CLMN: variants seen among roughly 807,000 people sequenced by gnomAD.
The protein encoded by CLMN is calmin.
In CLMN, 57 loss-of-function variants were observed where a neutral mutation model predicts 92.7. The ratio of observed to expected loss-of-function variants is 0.61; its 90% CI spans 0.50 to 0.77. CLMN has a LOEUF of 0.77. Ranked by LOEUF, CLMN falls within the 30% of genes least tolerant of loss-of-function variation. CLMN has a pLI of 0.00. For synonymous variants in CLMN, 466 were observed against 470.6 expected (o/e 0.99, Z 0.13); for missense variants, 1,158 against 1,237.5 (o/e 0.94, Z 0.96).
At position 95,191,419 on chromosome 14, in the gene CLMN, A is replaced by AC; in HGVS notation, c.*144_*145insG. On this transcript the variant is annotated 3_prime_UTR_variant, in exon 13 of 13. Transcript: ENST00000298912. This position sits in a 1 kb window ranked among gnomAD's most constrained non-coding sequence, Gnocchi z 5.3. ...AAAAGGAAACCTGAAAAAAAAAAAAAAACCACAATAGCGAGAAAGGGGGTC... is the reference window on the plus strand; with the variant it reads ...AAAAGGAAACCTGAAAAAAAAAAAAACAACCACAATAGCGAGAAAGGGGGTC... 1 of 511,270 alleles carries AC rather than the reference A, an allele frequency of 2.0e-6. No individual in the cohort carries two copies. The highest frequency in any genetic ancestry group is 2.0e-5 in the African/African-American group (1 of 49,428). 31.7% of individuals were successfully genotyped at this position (511,270 alleles called of 1,614,324 possible). A position where few individuals can be genotyped will look rare whatever the true frequency, so the allele number is the denominator to read the frequency against.
chr14:95,303,947 C>T (rs1376748796), intron 1 of CLMN, among the ~76,000 whole-genome samples: 1 of 152,122 alleles, frequency 6.6e-6, no homozygotes, highest in African/African-American at 2.4e-5. Flanking sequence ...ATAATAAACC[C>T]TCAACGATGG....
chr14:95,194,485 G>A lies in CLMN; in HGVS notation c.2769+51C>T. On this transcript the variant is annotated intron_variant, in intron 11 of 12. Coordinates refer to ENST00000298912, the MANE Select transcript of CLMN (RefSeq NM_024734.4). The surrounding 1 kb of genome is among the most constrained non-coding windows in gnomAD (Gnocchi z 4.0). ...GGCTGGGGAGGAGGAAGGATGGAAA[G>A]GAATTGATTAGCAGGGGCCGTGCGG... The A allele has an allele frequency of 5.0e-6, 8 of 1,613,578 alleles. No individual in the cohort carries two copies. Among genetic ancestry groups the A allele is most frequent in the Non-Finnish European group, 6.8e-6 (8 of 1,179,580 alleles).
At chr14:95,274,147 A>G (rs1899828143) in intron 1 of CLMN, among the ~76,000 whole-genome samples, 1 of 152,172 alleles carries the variant, frequency 6.6e-6, no homozygotes, top group South Asian at 2.1e-4. Context: ...CTAATTTGCC[A>G]TCCAGACCTT....
chr14:95,213,716 C>T (rs766066619), intron 5 of CLMN, among the ~76,000 whole-genome samples: 33 of 152,132 alleles, frequency 2.2e-4, no homozygotes, highest in Non-Finnish European at 3.5e-4. Context: ...CTCTGCCGCC[C>T]CTTTCCTCTC....
In CLMN at chr14:95,203,588, A is replaced by G; in HGVS notation, c.1761T>C (p.His587=). 6.2e-7 allele frequency: 1 copy of G among 1,614,152 alleles called. No homozygotes were observed. The change falls in exon 9 of 13, where the codon CAT becomes CAC. Residue 587 remains histidine (H), a synonymous_variant. Transcript: ENST00000298912. ...SQAFNKVPSP[H]ETKPDEDAEA... ...CAGCATCCTCGTCAGGTTTTGTCTC[A>G]TGAGGTGAAGGAACTTTGTTGAAAG...
chr14:95,283,701 G>C (rs1181864327), intron 1 of CLMN, among the ~76,000 whole-genome samples: 1 of 152,184 alleles, frequency 6.6e-6, no homozygotes, highest in Non-Finnish European at 1.5e-5. Context: ...GTGGAACTTT[G>C]AACTTGAGAA....
intron 7 of CLMN, among the ~76,000 whole-genome samples, chr14:95,209,857 A>T (rs984186552): frequency 2.0e-5 from 3 of 152,220 alleles, no homozygotes; most frequent in Non-Finnish European, 4.4e-5. Flanking sequence ...AGGCAACTTC[A>T]CAGAGATAGC....
intron 2 of CLMN, among the ~76,000 whole-genome samples, chr14:95,225,749 G>A (rs1027086534): frequency 6.6e-6 from 1 of 152,194 alleles, no homozygotes; most frequent in East Asian, 1.9e-4. Flanking sequence ...GAGGGGAAAC[G>A]CAATTCCCTA....
chr14:95,238,814 C>G (rs1251357009), intron 1 of CLMN, among the ~76,000 whole-genome samples: 2 of 152,190 alleles, frequency 1.3e-5, no homozygotes, highest in African/African-American at 4.8e-5. Flanking sequence ...AATTCTCTCA[C>G]AGGTCCCAGA....
chr14:95,267,996 T>C (rs1899543822), intron 1 of CLMN, among the ~76,000 whole-genome samples: 1 of 152,078 alleles, frequency 6.6e-6, no homozygotes, highest in Non-Finnish European at 1.5e-5. Context: ...AATGAATTTA[T>C]GGTTATCAGA....
chr14:95,213,475 G>T (rs1595575424), intron 5 of CLMN, 66 bp from the exon 6 acceptor site: 1 of 1,490,100 alleles, frequency 6.7e-7, no homozygotes, highest in East Asian at 2.3e-5. Flanking sequence ...CCCTTGTCTG[G>T]CGGGTGGCCA....
At chr14:95,309,912 C>A (rs1017081169) in intron 1 of CLMN, among the ~76,000 whole-genome samples, 1 of 152,248 alleles carries the variant, frequency 6.6e-6, no homozygotes, top group African/African-American at 2.4e-5. Context: ...CAAATAAATT[C>A]TCTTCTAGTT....
intron 8 of CLMN, among the ~76,000 whole-genome samples, chr14:95,207,788 A>AAC (rs1026645110): frequency 1.3e-5 from 2 of 152,196 alleles, no homozygotes; most frequent in South Asian, 4.1e-4. Context: ...ACAGGCAGGA[A>AAC]ACACACACAC....
At chr14:95,233,864 G>T (rs1897966410) in intron 1 of CLMN, among the ~76,000 whole-genome samples, 1 of 152,346 alleles carries the variant, frequency 6.6e-6, no homozygotes, top group African/African-American at 2.4e-5. Flanking sequence ...CCAGCAGGCT[G>T]GCCTGAGCAC....
At chr14:95,221,817 C>G (rs986250581) in intron 3 of CLMN, 43 bp from the exon 4 acceptor site, 3 of 1,572,748 alleles carry the variant, frequency 1.9e-6, no homozygotes, top group Non-Finnish European at 2.6e-6. Context: ...TAAACCCGCA[C>G]AGGCACTTCC....
intron 1 of CLMN, among the ~76,000 whole-genome samples, chr14:95,279,366 A>T (rs913862251): frequency 6.6e-6 from 1 of 152,180 alleles, no homozygotes; most frequent in African/African-American, 2.4e-5. Context: ...TACTTTGGAG[A>T]CATTAGATTC....
In CLMN at chr14:95,194,618, T is replaced by G; in HGVS notation, c.2709-22A>C. 1 of 1,612,870 alleles carries G rather than the reference T, an allele frequency of 6.2e-7. No individual in the cohort carries two copies. The highest frequency in any genetic ancestry group is 8.5e-7 in the Non-Finnish European group (1 of 1,178,810). On this transcript the variant is annotated intron_variant, in intron 10 of 12. Coordinates refer to ENST00000298912, the MANE Select transcript of CLMN (RefSeq NM_024734.4). The surrounding 1 kb of genome is among the most constrained non-coding windows in gnomAD (Gnocchi z 4.0). ...AGTCCTGAAAAACAAACACATGTTT[T>G]GAATTGGTACCACCTGGAGCTCTTC...
At chr14:95,210,344 G>A (rs966393392) in intron 7 of CLMN, among the ~76,000 whole-genome samples, 1 of 152,034 alleles carries the variant, frequency 6.6e-6, no homozygotes, top group Non-Finnish European at 1.5e-5. Context: ...GAGCCACCAC[G>A]CCCAGCCACT....
intron 1 of CLMN, among the ~76,000 whole-genome samples, chr14:95,291,974 C>T (rs568364669): frequency 2.0e-5 from 3 of 152,338 alleles, no homozygotes; most frequent in Non-Finnish European, 4.4e-5. Context: ...CAATGACAAG[C>T]ATTTATTGAG....
Sources: gnomAD v4.1 joint callset for allele counts (sites outside exome capture counted in the v4.1 genomes callset) on GRCh38, gnomAD v4.1.1 for gene constraint, Gnocchi (gnomAD v3.1) non-coding constraint, MANE v1.5 for transcripts, NCBI Gene and HGNC (gene_info 2026-07-23, HGNC 2026-07-21) for gene names.